The following RGS20 variants were observed in gnomAD, a reference collection of about 807,000 sequenced individuals.
RGS20 encodes regulator of G protein signaling 20, also known as gz-selective GTPase-activating protein.
Under a neutral mutation model 33.6 loss-of-function variants are expected in RGS20, and 30 were observed. The ratio of observed to expected loss-of-function variants is 0.89; its 90% CI spans 0.67 to 1.21. The LOEUF (loss-of-function observed/expected upper bound fraction) is 1.21, where lower values mean the gene tolerates loss of function less well. Among genes scored for constraint, RGS20 ranks in the 50% most tolerant of loss-of-function variants. The pLI, the probability that RGS20 is intolerant of heterozygous loss-of-function variation, is 0.00. For missense variants in RGS20, 472 were observed against 502.4 expected, an observed-to-expected ratio of 0.94 and a Z score of 0.58; for synonymous variants, 208 against 197.9, an observed-to-expected ratio of 1.05 and a Z score of -0.43.
In RGS20 at chr8:53,955,612, C is replaced by G. The variant is rs149443329; in HGVS notation, c.978+1302C>G. Among the ~76,000 whole-genome samples the G allele has an allele frequency of 9.3e-3, 1,418 of 152,164 alleles. 21 individuals carry two copies. Among genetic ancestry groups the G allele is most frequent in the African/African-American group, 0.033 (1,353 of 41,510 alleles). On this transcript the variant is annotated intron_variant, in intron 5 of 5. Coordinates refer to ENST00000297313, the MANE Select transcript of RGS20 (RefSeq NM_170587.4). The stretch of plus-strand genomic sequence containing the variant: ...TGGCAGGCCGAGGCAGGTGGATCAC[C>G]TGAGGTCAGGAGTTCGAGACCAGCC...
intron 4 of RGS20, among the ~76,000 whole-genome samples, chr8:53,953,698 C>A (rs192826493): frequency 1.3e-5 from 2 of 152,258 alleles, no homozygotes; most frequent in East Asian, 3.9e-4. Flanking sequence ...TGACTTAGTT[C>A]TGTCGTAGTA....
chr8:53,921,152 C>T (rs1813634653), intron 2 of RGS20, among the ~76,000 whole-genome samples: 1 of 152,146 alleles, frequency 6.6e-6, no homozygotes, highest in Admixed American at 6.5e-5. Context: ...ACCTTGCATT[C>T]TTACATTAAA....
At position 53,901,062 on chromosome 8, in the gene RGS20, CTT is replaced by C. The variant is rs367844788; in HGVS notation, c.510+21478_510+21479del. On this transcript the variant is annotated intron_variant, in intron 2 of 5. Transcript: ENST00000297313. ...CATGCCCTGGCCTTCATACTTGTCT[CTT>C]TTTTTTTTTTTTTTTTTGAGATGGA... Among the ~76,000 whole-genome samples, 943 of 131,208 alleles carry C rather than the reference CTT, an allele frequency of 7.2e-3. 7 individuals are homozygous for C. Among genetic ancestry groups the C allele is most frequent in the African/African-American group, 0.026 (845 of 32,608 alleles). The allele number at this position is 131,208 out of a possible 152,430, so 86.1% of individuals were successfully genotyped here.
chr8:53,915,608 C>T (rs953896190), intron 2 of RGS20, among the ~76,000 whole-genome samples: 1 of 152,146 alleles, frequency 6.6e-6, no homozygotes, highest in African/African-American at 2.4e-5. Context: ...TCCCTTTTTC[C>T]TAGACCTGGC....
chr8:53,955,603 G>A (rs898317632), intron 5 of RGS20, among the ~76,000 whole-genome samples: 1 of 152,156 alleles, frequency 6.6e-6, no homozygotes, highest in African/African-American at 2.4e-5. Context: ...GCCGAGGCAG[G>A]TGGATCACCT....
In RGS20 at chr8:53,879,459, C is replaced by A; in HGVS notation, c.367C>A (p.Leu123Met). The A allele has an allele frequency of 6.3e-7, 1 of 1,591,760 alleles. No individual in the cohort carries two copies. Among genetic ancestry groups the A allele is most frequent in the Non-Finnish European group, 8.5e-7 (1 of 1,171,482 alleles). ...CCGGCTCTCGAGGGGGCACGAGGAG[C>A]TGCCGGGCCGCCTCTCGCTCCTGCT... Residue 123 changes from leucine (L) to methionine (M), a missense_variant, in exon 2 of 6, where the codon CTG (leucine) becomes ATG (methionine). This residue lies in a region of RGS20 where 319 missense variants were observed against 283.4 expected (regional missense o/e 1.13). Coordinates refer to ENST00000297313, the MANE Select transcript of RGS20 (RefSeq NM_170587.4).
intron 2 of RGS20, chr8:53,914,842 A>T (rs10090669): frequency 0.41 from 63,039 of 151,948 alleles, 16,611 homozygotes; most frequent in African/African-American, 0.76. Flanking sequence ...AAGAAAAAAA[A>T]TTTTTTTAAT....
At chr8:53,956,310 G>A (rs1377641660) in intron 5 of RGS20, among the ~76,000 whole-genome samples, 1 of 152,142 alleles carries the variant, frequency 6.6e-6, no homozygotes, top group Non-Finnish European at 1.5e-5. Context: ...TAGAGAAGGG[G>A]TAGTCGGAGA....
intron 4 of RGS20, among the ~76,000 whole-genome samples, chr8:53,950,622 T>G (rs956743168): frequency 3.4e-4 from 48 of 139,592 alleles, no homozygotes; most frequent in African/African-American, 1.1e-3. Context: ...AATGTTTTGT[T>G]TTTTTTTTTT....
At chr8:53,909,107 T>C (rs1399578691) in intron 2 of RGS20, among the ~76,000 whole-genome samples, 1 of 149,350 alleles carries the variant, frequency 6.7e-6, no homozygotes, top group African/African-American at 2.5e-5. Flanking sequence ...TTTTCCTGAT[T>C]TGACACAGAG....
intron 2 of RGS20, chr8:53,880,335 C>G (rs1812326743): frequency 6.5e-6 from 1 of 153,212 alleles, no homozygotes; most frequent in African/African-American, 2.4e-5. Flanking sequence ...GGGGCCTCCG[C>G]GCTCTGGCTA....
chr8:53,857,783 A>G (rs2129266841), intron 1 of RGS20, among the ~76,000 whole-genome samples: 1 of 152,310 alleles, frequency 6.6e-6, no homozygotes, highest in African/African-American at 2.4e-5. Flanking sequence ...CCAAAAGCTG[A>G]AAAAAATCTG....
chr8:53,864,086 T>C (rs1811868470), intron 1 of RGS20, among the ~76,000 whole-genome samples: 1 of 152,080 alleles, frequency 6.6e-6, no homozygotes, highest in African/African-American at 2.4e-5. Flanking sequence ...AAAAATCAAA[T>C]GAGACAAGGC....
chr8:53,934,833 A>T (rs911411770), intron 2 of RGS20, among the ~76,000 whole-genome samples: 2 of 152,164 alleles, frequency 1.3e-5, no homozygotes. Flanking sequence ...CATCACATTT[A>T]TTCTAAAATT....
intron 1 of RGS20, among the ~76,000 whole-genome samples, chr8:53,864,984 C>A (rs1453676200): frequency 6.6e-6 from 1 of 152,182 alleles, no homozygotes; most frequent in Admixed American, 6.5e-5. Flanking sequence ...GAAATCAATG[C>A]CCGCTAACAA....
At chr8:53,856,363 C>A (rs896823006) in intron 1 of RGS20, among the ~76,000 whole-genome samples, 1 of 151,888 alleles carries the variant, frequency 6.6e-6, no homozygotes, top group African/African-American at 2.4e-5. Context: ...CTAAAAACGT[C>A]CACAATTACC....
chr8:53,928,297 C>T (rs1469487205), intron 2 of RGS20, among the ~76,000 whole-genome samples: 1 of 152,174 alleles, frequency 6.6e-6, no homozygotes, highest in Non-Finnish European at 1.5e-5. Context: ...TAAATGATCA[C>T]TCCCACCACC....
intron 2 of RGS20, among the ~76,000 whole-genome samples, chr8:53,933,865 C>T (rs1211055995): frequency 2.6e-5 from 4 of 152,138 alleles, no homozygotes; most frequent in Non-Finnish European, 5.9e-5. Context: ...AGAGAAAGGT[C>T]GGGTTACCCA....
At chr8:53,947,917 ATAT>A (rs1814567672) in intron 4 of RGS20, among the ~76,000 whole-genome samples, 1 of 137,406 alleles carries the variant, frequency 7.3e-6, no homozygotes, top group Non-Finnish European at 1.5e-5. Context: ...GATATAGTAT[ATAT>A]ATTTACATAT....
Sources: allele counts gnomAD v4.1 joint callset (sites outside exome capture counted in the v4.1 genomes callset), GRCh38; gene constraint gnomAD v4.1.1; regional missense constraint gnomAD v4.1.1; transcripts MANE v1.5; gene names NCBI Gene and HGNC (gene_info 2026-07-23, HGNC 2026-07-21).